Variants in AMD1 observed in about 807,000 individuals in gnomAD.
The protein encoded by AMD1 is S-adenosylmethionine decarboxylase proenzyme.
AMD1 carries 11 observed loss-of-function variants against 40.2 expected under a neutral mutation model. That is an observed-to-expected ratio of 0.27 (90% confidence interval 0.17 to 0.45). The LOEUF is 0.45. Ranked by LOEUF, AMD1 falls within the 20% of genes least tolerant of loss-of-function variation. The pLI, the probability that AMD1 is intolerant of heterozygous loss-of-function variation, is 1.00. For missense variants in AMD1, 257 were observed against 410.2 expected, an observed-to-expected ratio of 0.63 and a Z score of 3.23; for synonymous variants, 121 against 130.8, an observed-to-expected ratio of 0.93 and a Z score of 0.51.
chr6:110,875,432 C>G, intron 1 of AMD1: 1 of 521,402 alleles, frequency 1.9e-6, no homozygotes, highest in Non-Finnish European at 3.4e-6. Context: ...GTTGCCGCGC[C>G]TGGCATTGCC....
At chr6:110,844,810 G>C in the AMD1 span, among the ~76,000 whole-genome samples, 233 of 151,648 alleles carry the variant, frequency 1.5e-3, no homozygotes, top group African/African-American at 5.4e-3. Flanking sequence ...AAGAAAGAAA[G>C]AAAAAAGAAA....
intron 1 of AMD1, among the ~76,000 whole-genome samples, chr6:110,876,287 G>A (rs1361490570): frequency 1.3e-5 from 2 of 152,236 alleles, no homozygotes; most frequent in Non-Finnish European, 2.9e-5. Flanking sequence ...CCCTGCCACC[G>A]GATCCCTGGC....
chr6:110,841,817 T>A, the AMD1 span, among the ~76,000 whole-genome samples: 1 of 152,056 alleles, frequency 6.6e-6, no homozygotes, highest in Non-Finnish European at 1.5e-5. Flanking sequence ...ATTTATTTAT[T>A]TTTTAGATGG....
At chr6:110,858,128 G>A in the AMD1 span, 1 of 528,838 alleles carries the variant, frequency 1.9e-6, no homozygotes, top group African/African-American at 1.9e-5. Flanking sequence ...ACAACTGTGA[G>A]CCACCATGCC....
Position 110,893,505 on chromosome 6 carries a change from G to T in AMD1, c.894G>T (p.Ser298=), listed in dbSNP as rs774982248. 1.9e-6 allele frequency: 3 copies of T among 1,613,728 alleles called. No individual in the cohort carries two copies. Among genetic ancestry groups the T allele is most frequent in the Admixed American group, 3.3e-5 (2 of 59,976 alleles). ...QSSKCRTVLA[S]PQKIEGFKRL... ...CTAAATGTCGCACAGTGCTTGCTTC[G>T]CCCCAGAAGATTGAAGGTTTTAAGC... The change falls in exon 9 of 9, where the codon TCG becomes TCT. Residue 298 remains serine (S), a synonymous_variant. Coordinates refer to ENST00000368885, the MANE Select transcript of AMD1 (RefSeq NM_001634.6).
At position 110,885,787 on chromosome 6, in the gene AMD1, G is replaced by T. The variant is rs549686473; in HGVS notation, c.111-1718G>T. Among the ~76,000 whole-genome samples the T allele has an allele frequency of 2.7e-3, 417 of 152,346 alleles. 1 individual carries two copies. The highest frequency in any genetic ancestry group is 4.4e-3 in the Non-Finnish European group (302 of 68,038). On this transcript the variant is annotated intron_variant, in intron 1 of 8. Coordinates refer to ENST00000368885, the MANE Select transcript of AMD1 (RefSeq NM_001634.6). ...TCATTAGCAAGCCTTTCACATTAAA[G>T]ATTTTTGGATGGGTATTGGTACGCA...
chr6:110,889,301 G>A (rs749323179), intron 3 of AMD1: 5 of 178,734 alleles, frequency 2.8e-5, no homozygotes, highest in South Asian at 1.3e-4. Context: ...GAAAAATGTC[G>A]TTACTGAAAT....
Position 110,892,918 on chromosome 6 carries a change from T to C in AMD1, c.717T>C (p.Tyr239=), listed in dbSNP as rs1043453674. Residue 239 remains tyrosine, a synonymous_variant, in exon 8 of 9, where the codon TAT becomes TAC. Coordinates refer to ENST00000368885, the MANE Select transcript of AMD1 (RefSeq NM_001634.6). ...TGAACTTTTTCTCTCAGGGAACTTA[T>C]TGGACTATTCACATCACTCCAGAAC... ...SMNGMKSDGT[Y]WTIHITPEPE... The C allele has an allele frequency of 9.9e-6, 16 of 1,613,962 alleles. No individual in the cohort carries two copies. The highest frequency in any genetic ancestry group is 3.3e-5 in the Admixed American group (2 of 60,002).
the AMD1 span, among the ~76,000 whole-genome samples, chr6:110,832,852 A>G: frequency 3.3e-5 from 5 of 151,848 alleles, no homozygotes; most frequent in African/African-American, 1.2e-4. Flanking sequence ...ACAGAGATTC[A>G]CTCTGTCACC....
At chr6:110,855,260 G>A in the AMD1 span, among the ~76,000 whole-genome samples, 1 of 151,620 alleles carries the variant, frequency 6.6e-6, no homozygotes, top group Non-Finnish European at 1.5e-5. Flanking sequence ...ATTTCCACAT[G>A]TACTTAAAAC....
At chr6:110,829,074 G>T in the AMD1 span, among the ~76,000 whole-genome samples, 1 of 151,974 alleles carries the variant, frequency 6.6e-6, no homozygotes, top group Non-Finnish European at 1.5e-5. Flanking sequence ...GGAGGCTGAG[G>T]CAGGAGAATC....
intron 1 of AMD1, among the ~76,000 whole-genome samples, chr6:110,881,705 G>A (rs539061124): frequency 6.6e-6 from 1 of 151,964 alleles, no homozygotes; most frequent in African/African-American, 2.4e-5. Flanking sequence ...CCTGTAATCA[G>A]TCCCAACTAC....
chr6:110,835,252 T>A, the AMD1 span, among the ~76,000 whole-genome samples: 1 of 151,148 alleles, frequency 6.6e-6, no homozygotes, highest in Non-Finnish European at 1.5e-5. Flanking sequence ...TCTCCTGACC[T>A]CGTGATCCGC....
chr6:110,867,212 A>G, the AMD1 span, among the ~76,000 whole-genome samples: 4 of 151,684 alleles, frequency 2.6e-5, no homozygotes, highest in Non-Finnish European at 5.9e-5. Flanking sequence ...CAGTGGCTCA[A>G]TCATAGCTCA....
At chr6:110,832,934 C>G in the AMD1 span, among the ~76,000 whole-genome samples, 1 of 152,166 alleles carries the variant, frequency 6.6e-6, no homozygotes, top group Non-Finnish European at 1.5e-5. Flanking sequence ...GATTCTCCTG[C>G]CTCAGCCTCC....
intron 1 of AMD1, among the ~76,000 whole-genome samples, chr6:110,881,824 C>CA (rs11436863): frequency 0.34 from 46,825 of 138,690 alleles, 9,080 homozygotes; most frequent in African/African-American, 0.56. Context: ...GACTGCATCT[C>CA]AAAAAAAAAA....
the AMD1 span, chr6:110,858,655 G>C: frequency 1.7e-6 from 2 of 1,181,782 alleles, no homozygotes; most frequent in Non-Finnish European, 2.5e-6. Flanking sequence ...TGCAGAGCGG[G>C]GTGGACATCG....
At position 110,892,405 on chromosome 6, in the gene AMD1, T is replaced by C. The variant is rs1786073844; in HGVS notation, c.577T>C (p.Tyr193His). 1.9e-6 allele frequency: 3 copies of C among 1,612,364 alleles called. No individual in the cohort carries two copies. Among genetic ancestry groups the C allele is most frequent in the Admixed American group, 1.7e-5 (1 of 60,006 alleles). Residue 193 changes from tyrosine to histidine, a missense_variant, in exon 6 of 9, where the codon TAC (tyrosine) becomes CAC (histidine). Physicochemically the swap from Tyr to His is moderately conservative, Grantham distance 83. Coordinates refer to ENST00000368885, the MANE Select transcript of AMD1 (RefSeq NM_001634.6). ...TGACCCAGCAGTTATGGACCAGTTCTACATGAAAGATGGTGTTACTGCAAA... is the reference window on the plus strand; with the variant it reads ...TGACCCAGCAGTTATGGACCAGTTCCACATGAAAGATGGTGTTACTGCAAA... ...ELDPAVMDQF[Y>H]MKDGVTAKDV...
upstream of AMD1, among the ~76,000 whole-genome samples, chr6:110,870,580 A>C (rs546751045): frequency 6.6e-6 from 1 of 152,190 alleles, no homozygotes. Context: ...GTTAAGATGG[A>C]GCCACTGCAC....
Sources: allele counts gnomAD v4.1 joint callset (sites outside exome capture counted in the v4.1 genomes callset), GRCh38; gene constraint gnomAD v4.1.1; transcripts MANE v1.5; gene names NCBI Gene and HGNC (gene_info 2026-07-23, HGNC 2026-07-21).